The following LTK variants were observed in gnomAD, a reference collection of about 807,000 sequenced individuals.
The protein encoded by LTK is leukocyte receptor tyrosine kinase.
LTK carries 117 observed loss-of-function variants against 101.5 expected under a neutral mutation model. That is an observed-to-expected ratio of 1.15 (90% CI 0.99 to 1.34). The LOEUF is 1.34. Ranked by LOEUF, LTK falls within the 40% of genes most tolerant of loss-of-function variation. The pLI is 0.00. For missense variants in LTK, 1,252 were observed against 1,164.7 expected, an observed-to-expected ratio of 1.07 and a Z score of -1.09; for synonymous variants, 563 against 494.2, an observed-to-expected ratio of 1.14 and a Z score of -1.85.
intron 11 of LTK, 40 bp from the exon 12 acceptor site, chr15:41,506,045 T>G: frequency 7.2e-7 from 1 of 1,394,058 alleles, no homozygotes; most frequent in African/African-American, 1.4e-5. Context: ...GCAGGCGGCC[T>G]GGAGAAGAGT....
chr15:41,505,980 C>G lies in LTK; in HGVS notation c.1567G>C (p.Glu523Gln). Residue 523 changes from glutamate (E) to glutamine (Q), a missense_variant, in exon 12 of 20, where the codon GAG becomes CAG. Coordinates refer to ENST00000263800, the MANE Select transcript of LTK (RefSeq NM_002344.6). ...LRALGHGAFG[E>Q]VYEGLVIGLP... ...CCAATTACCAGTCCCTCATACACCT[C>G]CCCAAAGGCACCATGGCCCAGGGCT... is the stretch of plus-strand genomic sequence containing the variant. The G allele has an allele frequency of 6.2e-7, 1 of 1,613,914 alleles. No individual in the cohort carries two copies. Among genetic ancestry groups the G allele is most frequent in the Admixed American group, 1.7e-5 (1 of 60,026 alleles).
chr15:41,506,367 C>T (rs1243685874), intron 11 of LTK, among the ~76,000 whole-genome samples: 1 of 152,158 alleles, frequency 6.6e-6, no homozygotes, highest in Admixed American at 6.5e-5. Flanking sequence ...TGCAATAGCG[C>T]GATCTCGGCT....
In LTK at chr15:41,504,211, C is replaced by T; in HGVS notation, c.2380G>A (p.Glu794Lys). 3 of 1,611,644 alleles carry T rather than the reference C, an allele frequency of 1.9e-6. No homozygotes were observed. Among genetic ancestry groups the T allele is most frequent in the Non-Finnish European group, 1.7e-6 (2 of 1,178,426 alleles). The change falls in exon 20 of 20, where the codon GAG becomes AAG. Residue 794 changes from glutamate (E) to lysine (K), a missense_variant. Coordinates refer to ENST00000263800, the MANE Select transcript of LTK (RefSeq NM_002344.6). The part of the protein sequence containing the change: ...PDVLNSLLPM[E>K]LGPTPEEEGT... ...TCCTCCTCTGGGGTGGGCCCCAGCT[C>T]CATTGGCAGGAGTGAATTCAGCACA...
Position 41,504,995 on chromosome 15 carries a change from A to G in LTK, c.1995T>C (p.Phe665=), listed in dbSNP as rs1362912146. The G allele has an allele frequency of 1.2e-6, 2 of 1,612,928 alleles. No individual in the cohort carries two copies. Among genetic ancestry groups the G allele is most frequent in the South Asian group, 1.1e-5 (1 of 90,956 alleles). ...GPSRVAKIGD[F]GMARDIYRAS... is the part of the protein sequence containing the mutation. ...ACCGGTAGATATCTCGTGCCATCCCAAAGTCCCCAATCTTGGCCACTCGGC... is the reference window on the plus strand; with the variant it reads ...ACCGGTAGATATCTCGTGCCATCCCGAAGTCCCCAATCTTGGCCACTCGGC... Residue 665 remains phenylalanine (F), a synonymous_variant, in exon 16 of 20, where the codon TTT becomes TTC. Coordinates refer to ENST00000263800, the MANE Select transcript of LTK (RefSeq NM_002344.6).
chr15:41,507,016 A>G (rs2140707238), intron 11 of LTK, 79 bp downstream of exon 11: 2 of 1,411,708 alleles, frequency 1.4e-6, no homozygotes, highest in East Asian at 2.3e-5. Flanking sequence ...TCTGGGACTT[A>G]TAATTCACTA....
In LTK at chr15:41,513,001, G is replaced by C. The variant is rs368397565; in HGVS notation, c.163C>G (p.Pro55Ala). 5.6e-6 allele frequency: 9 copies of C among 1,613,484 alleles called. No individual in the cohort carries two copies. The highest frequency in any genetic ancestry group is 6.8e-6 in the Non-Finnish European group (8 of 1,179,938). Residue 55 changes from proline (P) to alanine (A), a missense_variant, in exon 2 of 20, where the codon CCA (proline) becomes GCA (alanine). Physicochemically the swap from Pro to Ala is conservative, Grantham distance 27. Transcript: ENST00000263800. ...CCCGGAGAATTCAGCGGGGAGGCTG[G>C]CTCCAAGATACTAGGCGGGGCGCTG... ...KVSAPPSILE[P>A]ASPLNSPGTE...
chr15:41,504,702 T>A, intron 17 of LTK, 62 bp from the exon 18 acceptor site: 2 of 1,601,712 alleles, frequency 1.2e-6, no homozygotes, highest in Non-Finnish European at 8.5e-7. Context: ...TCACATGAGG[T>A]GGCTGGAAAG....
In LTK at chr15:41,505,493, GC is replaced by G; in HGVS notation, c.1734del (p.Leu579SerfsTer14). 6.2e-7 allele frequency: 1 copy of G among 1,614,052 alleles called. No homozygotes were observed. Among genetic ancestry groups the G allele is most frequent in the Admixed American group, 1.7e-5 (1 of 60,004 alleles). ...AGGCGAGGGGTGGCCCTGAGGCTGA[GC>G]CCCACACACCGCACAATGTTCTGAT... ...FRHQNIVRCV[G>X]LSLRATPRLI... On this transcript the variant is annotated frameshift_variant, in exon 14 of 20. Coordinates refer to ENST00000263800, the MANE Select transcript of LTK (RefSeq NM_002344.6). LOFTEE classifies it high-confidence loss of function.
rs749229003 is a variant in LTK, at chr15:41,504,878, C to T, written c.2019-4G>A. ...CCCCCTGCGGTAATAACTGGCCCTA[C>T]AGGAGGGAGGAGGTGAATGATGAGT... On this transcript the variant is annotated splice_region_variant and splice_polypyrimidine_tract_variant and intron_variant, in intron 16 of 19. Coordinates refer to ENST00000263800, the MANE Select transcript of LTK (RefSeq NM_002344.6). The T allele has an allele frequency of 3.7e-6, 6 of 1,611,260 alleles. No homozygotes were observed. The South Asian group carries it at 6.6e-5, about 18-fold the overall frequency.
At chr15:41,505,360 G>A (rs1369523034) in intron 14 of LTK, 41 bp downstream of exon 14, 1 of 1,601,164 alleles carries the variant, frequency 6.2e-7, no homozygotes, top group South Asian at 1.1e-5. Context: ...CATGGACAGG[G>A]TCTTTAGAGG....
In LTK at chr15:41,511,447, C is replaced by G; in HGVS notation, c.789G>C (p.Gly263=). The G allele has an allele frequency of 7.1e-6, 10 of 1,413,314 alleles. No homozygotes were observed. The highest frequency in any genetic ancestry group is 9.2e-6 in the Non-Finnish European group (10 of 1,090,752). 87.5% of individuals were successfully genotyped at this position (1,413,314 alleles called of 1,614,324 possible). A position where few individuals can be genotyped will look rare whatever the true frequency, so the allele number is the denominator to read the frequency against. Residue 263 remains glycine (G), a synonymous_variant, in exon 6 of 20, where the codon GGG becomes GGC. Coordinates refer to ENST00000263800, the MANE Select transcript of LTK (RefSeq NM_002344.6). This position sits in a 1 kb window ranked among gnomAD's most constrained non-coding sequence, Gnocchi z 5.9. ...CTGCCGCCCCGCCTCTCCCGCCGCT[C>G]CCGGGCGCCTCCGAGCGGTTCTCCA... is the stretch of plus-strand genomic sequence containing the variant. The part of the protein sequence containing the change: ...EKLENRSEAP[G]SGGRGGAAGG...
rs758063297 is a variant in LTK at position 41,504,451 on chromosome 15, T to C, written c.2256-19A>G. The stretch of plus-strand genomic sequence containing the variant: ...GCGGTACCTGGGGAGAGGCAGGAGT[T>C]CATGCCCACCCATGGTTGTGAAGGA... On this transcript the variant is annotated intron_variant, in intron 18 of 19. Transcript: ENST00000263800. 1.9e-5 allele frequency: 31 copies of C among 1,613,854 alleles called. No individual in the cohort carries two copies. The highest frequency in any genetic ancestry group is 2.5e-5 in the Non-Finnish European group (29 of 1,179,976).
Position 41,503,678 on chromosome 15 carries a change from TG to T in LTK, c.*317del. 5 of 620,750 alleles carry T rather than the reference TG, an allele frequency of 8.1e-6. No homozygotes were observed. The highest frequency in any genetic ancestry group is 1.2e-5 in the Non-Finnish European group (4 of 327,672). 38.5% of individuals were successfully genotyped at this position (620,750 alleles called of 1,614,324 possible). ...CTTTTTATTAGAAGCATCTGCAGGG[TG>T]GGGGGTCTGCCCAGATGAAGGATGC... On this transcript the variant is annotated 3_prime_UTR_variant, in exon 20 of 20. Transcript: ENST00000263800.
At chr15:41,508,021 C>T (rs1250395119) in intron 9 of LTK, 48 bp downstream of exon 9, 1 of 1,533,392 alleles carries the variant, frequency 6.5e-7, no homozygotes, top group Admixed American at 2.0e-5. Flanking sequence ...CTGCTCCTCC[C>T]AGTCTGTGAC....
chr15:41,505,503 C>T lies in LTK; in HGVS notation c.1725G>A (p.Arg575=), dbSNP rs748083445. The T allele has an allele frequency of 1.9e-6, 3 of 1,613,938 alleles. No individual in the cohort carries two copies. The East Asian group carries it at 6.7e-5, about 36-fold the overall frequency. Residue 575 remains arginine (R), a synonymous_variant, in exon 14 of 20, where the codon CGG becomes CGA. Coordinates refer to ENST00000263800, the MANE Select transcript of LTK (RefSeq NM_002344.6). ...TGGCCCTGAGGCTGAGCCCCACACA[C>T]CGCACAATGTTCTGATGGCGAAACT... The part of the protein sequence containing the change: ...ISKFRHQNIV[R]CVGLSLRATP...
At position 41,512,836 on chromosome 15, in the gene LTK, C is replaced by T; in HGVS notation, c.230G>A (p.Gly77Asp). 1 of 1,612,284 alleles carries T rather than the reference C, an allele frequency of 6.2e-7. No homozygotes were observed. The highest frequency in any genetic ancestry group is 2.2e-5 in the East Asian group (1 of 44,852). Residue 77 changes from glycine to aspartate, a missense_variant, in exon 3 of 20, where the codon GGC becomes GAC. Physicochemically the swap from Gly to Asp is moderately conservative, Grantham distance 94 (BLOSUM62 -1). Transcript: ENST00000263800. ...TTGTGTCTGTGTGGGCCCATGCCGG[C>T]CGCTGGCCCCGCAGGTAGAAAACAG... ...SWLFSTCGAS[G>D]RHGPTQTQCD... is the part of the protein sequence containing the mutation.
At chr15:41,512,006 C>G (rs1273971755) in intron 4 of LTK, 43 bp from the exon 5 acceptor site, 14 of 1,443,796 alleles carry the variant, frequency 9.7e-6, no homozygotes, top group Non-Finnish European at 1.3e-5. Flanking sequence ...CCGGGAGCCT[C>G]CCCTCGCTGT....
At chr15:41,505,377 G>GC (rs776872902) in intron 14 of LTK, 24 bp downstream of exon 14, 31 of 1,613,542 alleles carry the variant, frequency 1.9e-5, no homozygotes, top group Middle Eastern at 1.6e-4. Context: ...GAGGGGCCTG[G>GC]GGGGGCTAAG....
At position 41,504,023 on chromosome 15, in the gene LTK, G is replaced by T; in HGVS notation, c.2568C>A (p.Asn856Lys). ...PLKSRGLQPQ[N>K]LWNPTYRS is the part of the protein sequence containing the mutation. ...AGGAGCGATAAGTGGGATTCCAAAG[G>T]TTCTGAGGTTGGAGGCCCCTGGATT... is the stretch of plus-strand genomic sequence containing the variant. Residue 856 changes from asparagine (N) to lysine (K), a missense_variant, in exon 20 of 20, where the codon AAC (asparagine) becomes AAA (lysine). Transcript: ENST00000263800. 1 of 1,610,958 alleles carries T rather than the reference G, an allele frequency of 6.2e-7. No individual in the cohort carries two copies. The highest frequency in any genetic ancestry group is 8.5e-7 in the Non-Finnish European group (1 of 1,178,954).
Sources: allele counts gnomAD v4.1 joint callset (sites outside exome capture counted in the v4.1 genomes callset), GRCh38; gene constraint gnomAD v4.1.1; non-coding constraint Gnocchi (gnomAD v3.1); transcripts MANE v1.5; gene names NCBI Gene and HGNC (gene_info 2026-07-23, HGNC 2026-07-21).